Variants in ZDHHC15 observed in about 807,000 individuals in gnomAD.
ZDHHC15 encodes the protein palmitoyltransferase ZDHHC15.
A neutral mutation model predicts 31.7 loss-of-function variants in ZDHHC15; 19 were observed. That is an observed-to-expected ratio of 0.60 (90% CI 0.42 to 0.88). The LOEUF (loss-of-function observed/expected upper bound fraction) is 0.88, where lower values mean the gene tolerates loss of function less well. Among genes scored for constraint, ZDHHC15 ranks in the 40% least tolerant of loss-of-function variants. The pLI is 0.00. For synonymous variants in ZDHHC15, 103 were observed against 90.0 expected (o/e 1.14, Z -0.82); for missense variants, 209 against 251.2 (o/e 0.83, Z 1.14).
At chrX:75,393,694 C>A (rs2083269771) in intron 10 of ZDHHC15, among the ~76,000 whole-genome samples, 2 of 111,870 alleles carry the variant, frequency 1.8e-5, no homozygotes, top group South Asian at 7.5e-4. Context: ...CCTTAATATT[C>A]TGTTCTTCTA....
chrX:75,422,068 C>T, intron 8 of ZDHHC15, 78 bp from the exon 9 acceptor site: 1 of 1,087,083 alleles, frequency 9.2e-7, no homozygotes, highest in South Asian at 2.3e-5. Flanking sequence ...CATGATTTTA[C>T]ATTTCTCCAT....
At chrX:75,496,206 T>C (rs986199301) in intron 2 of ZDHHC15, among the ~76,000 whole-genome samples, 1 of 111,412 alleles carries the variant, frequency 9.0e-6, no homozygotes, top group Admixed American at 9.6e-5. Flanking sequence ...GAGTAGCTAT[T>C]CTTATATCAG....
At chrX:75,474,524 A>ATATATATATAATCCCCTT (rs2084560420) in intron 3 of ZDHHC15, among the ~76,000 whole-genome samples, 3 of 14,141 alleles carry the variant, frequency 2.1e-4, no homozygotes, top group Admixed American at 1.4e-3. Flanking sequence ...ATATGTGTGT[A>ATATATATATAATCCCCTT]TATATATATA....
At chrX:75,477,743 T>A (rs1053013286) in intron 3 of ZDHHC15, among the ~76,000 whole-genome samples, 12 of 112,122 alleles carry the variant, frequency 1.1e-4, no homozygotes, top group Admixed American at 6.6e-4. Context: ...AACCTATTTA[T>A]GTTTCTGGTT....
At chrX:75,464,535 T>C (rs933898300) in intron 3 of ZDHHC15, among the ~76,000 whole-genome samples, 1 of 111,642 alleles carries the variant, frequency 9.0e-6, no homozygotes, top group African/African-American at 3.2e-5. Flanking sequence ...GTCAATATCC[T>C]TGATAAACAT....
intron 2 of ZDHHC15, among the ~76,000 whole-genome samples, chrX:75,484,598 C>T (rs1172892555): frequency 9.0e-6 from 1 of 111,580 alleles, no homozygotes; most frequent in African/African-American, 3.3e-5. Flanking sequence ...ATAAGGAGAA[C>T]TCTCATATAT....
intron 10 of ZDHHC15, among the ~76,000 whole-genome samples, chrX:75,387,262 G>A (rs1247998742): frequency 8.9e-6 from 1 of 111,953 alleles, no homozygotes; most frequent in Non-Finnish European, 1.9e-5. Flanking sequence ...TGCAAAAACA[G>A]ACATGCATCC....
At chrX:75,447,862 G>T (rs960052837) in intron 4 of ZDHHC15, among the ~76,000 whole-genome samples, 1 of 111,826 alleles carries the variant, frequency 8.9e-6, no homozygotes, top group Non-Finnish European at 1.9e-5. Context: ...TGGAATCCTC[G>T]TATCTCTGAA....
At chrX:75,402,116 TAAAC>T (rs1446217180) in intron 10 of ZDHHC15, among the ~76,000 whole-genome samples, 1 of 112,037 alleles carries the variant, frequency 8.9e-6, no homozygotes. Flanking sequence ...ACATAGAAAT[TAAAC>T]AACATGCTCC....
At chrX:75,456,100 A>G (rs1277186679) in intron 3 of ZDHHC15, among the ~76,000 whole-genome samples, 3 of 111,751 alleles carry the variant, frequency 2.7e-5, no homozygotes, top group African/African-American at 3.3e-5. Flanking sequence ...CTTGGAACCA[A>G]CCCAAATGTC....
chrX:75,408,099 G>A (rs996188277), intron 10 of ZDHHC15, among the ~76,000 whole-genome samples: 28 of 109,882 alleles, frequency 2.5e-4, no homozygotes, highest in Non-Finnish European at 5.3e-4. Flanking sequence ...CTCTGCCTAG[G>A]AAAACCAGAG....
intron 3 of ZDHHC15, among the ~76,000 whole-genome samples, chrX:75,470,238 T>G (rs2084482644): frequency 8.9e-6 from 1 of 111,807 alleles, no homozygotes; most frequent in Admixed American, 9.5e-5. Flanking sequence ...CCTCCAAGGC[T>G]ACATCTTTCT....
At chrX:75,464,005 A>G (rs1464755946) in intron 3 of ZDHHC15, among the ~76,000 whole-genome samples, 1 of 111,959 alleles carries the variant, frequency 8.9e-6, no homozygotes, top group Non-Finnish European at 1.9e-5. Flanking sequence ...TTGCGGCACT[A>G]TTCACAAAAG....
chrX:75,415,814 G>C (rs2147830512), intron 10 of ZDHHC15, among the ~76,000 whole-genome samples: 1 of 112,481 alleles, frequency 8.9e-6, no homozygotes, highest in East Asian at 2.8e-4. Context: ...ACCTCTTTAT[G>C]ATGTGATGCT....
chrX:75,478,932 A>G lies in ZDHHC15; in HGVS notation c.217T>C (p.Trp73Arg). 2.5e-6 allele frequency: 3 copies of G among 1,206,939 alleles called. No individual in the cohort carries two copies. The change falls in exon 3 of 12, where the codon TGG becomes CGG. Residue 73 changes from tryptophan (W) to arginine (R), a missense_variant. Trp to Arg is a moderately radical substitution (Grantham distance 101). Coordinates refer to ENST00000373367, the MANE Select transcript of ZDHHC15 (RefSeq NM_144969.3). Reference sequence around the variant, plus strand: ...TGTGGGAGTGTAAAGATAGACTTCCAGTAGGTCCAGGTAAAGAACACAAAG... The same window carrying G: ...TGTGGGAGTGTAAAGATAGACTTCCGGTAGGTCCAGGTAAAGAACACAAAG... ...AIFVFFTWTY[W>R]KSIFTLPQQP...
intron 3 of ZDHHC15, among the ~76,000 whole-genome samples, chrX:75,463,603 A>G (rs2084355658): frequency 9.0e-6 from 1 of 110,989 alleles, no homozygotes; most frequent in Non-Finnish European, 1.9e-5. Flanking sequence ...AACAACAACA[A>G]CAAAAAACCC....
chrX:75,491,342 T>G (rs2084886947), intron 2 of ZDHHC15, among the ~76,000 whole-genome samples: 1 of 108,254 alleles, frequency 9.2e-6, no homozygotes, highest in Non-Finnish European at 1.9e-5. Flanking sequence ...TGGATGAAAT[T>G]GGAAATCATC....
chrX:75,450,484 T>G (rs904251352), intron 4 of ZDHHC15, among the ~76,000 whole-genome samples: 3 of 111,836 alleles, frequency 2.7e-5, no homozygotes, highest in African/African-American at 9.7e-5. Flanking sequence ...GCTATTTACT[T>G]TGAAATGCAT....
At chrX:75,376,195 C>T (rs897090596) in intron 11 of ZDHHC15, among the ~76,000 whole-genome samples, 6 of 106,875 alleles carry the variant, frequency 5.6e-5, no homozygotes, top group Non-Finnish European at 1.2e-4. Flanking sequence ...TTGTTGGCTG[C>T]TTGTATGTCT....
Sources: gnomAD v4.1 joint callset for allele counts (sites outside exome capture counted in the v4.1 genomes callset) on GRCh38, gnomAD v4.1.1 for gene constraint, MANE v1.5 for transcripts, NCBI Gene and HGNC (gene_info 2026-07-23, HGNC 2026-07-21) for gene names.